Variants in ABCA10 observed in about 807,000 individuals in gnomAD.
ABCA10 encodes ATP-binding cassette sub-family A member 10.
In ABCA10, 169 loss-of-function variants were observed where a neutral mutation model predicts 187.5. The observed-to-expected ratio is 0.90, with a 90% CI of 0.80 to 1.02. The LOEUF (loss-of-function observed/expected upper bound fraction) is 1.02, where lower values mean the gene tolerates loss of function less well. Ranked by LOEUF, ABCA10 falls within the 50% of genes least tolerant of loss-of-function variation. The pLI, the probability that ABCA10 is intolerant of heterozygous loss-of-function variation, is 0.00. For synonymous variants in ABCA10, 574 were observed against 601.8 expected (o/e 0.95, Z 0.68); for missense variants, 1,727 against 1,812.4 (o/e 0.95, Z 0.86).
At chr17:69,174,022 T>C (rs1254709763) in intron 25 of ABCA10, among the ~76,000 whole-genome samples, 4 of 152,096 alleles carry the variant, frequency 2.6e-5, no homozygotes, top group African/African-American at 9.7e-5. Flanking sequence ...ATGCCATGGT[T>C]CCTACATATA....
At chr17:69,220,572 G>C (rs1248192346) in intron 5 of ABCA10, among the ~76,000 whole-genome samples, 1 of 152,096 alleles carries the variant, frequency 6.6e-6, no homozygotes, top group Non-Finnish European at 1.5e-5. Flanking sequence ...GGTGGTTTTA[G>C]CATTCACTGA....
chr17:69,164,038 T>G (rs373456469), intron 27 of ABCA10, 36 bp downstream of exon 27: 2 of 1,471,236 alleles, frequency 1.4e-6, no homozygotes, highest in Non-Finnish European at 1.8e-6. Context: ...ATGAATCTTA[T>G]GCAATATATA....
At chr17:69,236,501 G>T (rs368839386) in intron 1 of ABCA10, among the ~76,000 whole-genome samples, 1 of 152,204 alleles carries the variant, frequency 6.6e-6, no homozygotes, top group African/African-American at 2.4e-5. Context: ...TTTATTACAA[G>T]ATTAGAATCG....
intron 9 of ABCA10, among the ~76,000 whole-genome samples, chr17:69,204,562 CTTA>C (rs2074575783): frequency 6.6e-6 from 1 of 152,176 alleles, no homozygotes; most frequent in Admixed American, 6.5e-5. Context: ...GTGGTATCCT[CTTA>C]TTATACTTCT....
In ABCA10 at chr17:69,185,486, TAAC is replaced by T; in HGVS notation, c.2485_2487del (p.Val829del). The T allele has an allele frequency of 6.2e-7, 1 of 1,612,342 alleles. No individual in the cohort carries two copies. The highest frequency in any genetic ancestry group is 8.5e-7 in the Non-Finnish European group (1 of 1,179,104). ...CAGCCCCATTTCTCACCTGTATTATTAACGATTAACAGGCTGGTAAGAGGCGTC... is the reference window on the plus strand; with the variant it reads ...CAGCCCCATTTCTCACCTGTATTATTGATTAACAGGCTGGTAAGAGGCGTC... On this transcript the variant is annotated inframe_deletion, in exon 20 of 39. Transcript: ENST00000690296.
chr17:69,199,070 C>T (rs889169210), intron 10 of ABCA10, among the ~76,000 whole-genome samples: 1 of 152,136 alleles, frequency 6.6e-6, no homozygotes, highest in African/African-American at 2.4e-5. Flanking sequence ...CTGTGTCTTG[C>T]TCTACTAGGT....
At chr17:69,188,625 G>A (rs2074439045) in intron 18 of ABCA10, among the ~76,000 whole-genome samples, 1 of 151,550 alleles carries the variant, frequency 6.6e-6, no homozygotes, top group Non-Finnish European at 1.5e-5. Context: ...GGGGTTTGGT[G>A]TACAGACAAT....
Position 69,182,563 on chromosome 17 carries a change from T to C in ABCA10, c.2631+112A>G, listed in dbSNP as rs747313205. On this transcript the variant is annotated intron_variant, in intron 21 of 38. Transcript: ENST00000690296. ...AAAGAAAGTTTCAAGCCTCCTCTAA[T>C]ATGATGCCAATTTAGAAAACATACT... 193 of 1,319,420 alleles carry C rather than the reference T, an allele frequency of 1.5e-4. 1 individual carries two copies. The highest frequency in any genetic ancestry group is 3.3e-5 in the Non-Finnish European group (33 of 1,002,262). The allele number at this position is 1,319,420 out of a possible 1,614,324, so 81.7% of individuals were successfully genotyped here. A position where few individuals can be genotyped will look rare whatever the true frequency, so the allele number is the denominator to read the frequency against.
At chr17:69,240,927 C>G (rs1348803730) in intron 1 of ABCA10, among the ~76,000 whole-genome samples, 1 of 152,214 alleles carries the variant, frequency 6.6e-6, no homozygotes, top group Admixed American at 6.5e-5. Context: ...TTCACTACTG[C>G]TAGGGCCTTG....
At chr17:69,178,206 GA>G (rs1402971550) in intron 22 of ABCA10, among the ~76,000 whole-genome samples, 1 of 151,308 alleles carries the variant, frequency 6.6e-6, no homozygotes, top group Non-Finnish European at 1.5e-5. Context: ...AGTCTAGAAG[GA>G]TAATAAGAAA....
intron 10 of ABCA10, among the ~76,000 whole-genome samples, chr17:69,199,047 C>G (rs1354529105): frequency 6.6e-6 from 1 of 152,152 alleles, no homozygotes; most frequent in African/African-American, 2.4e-5. Context: ...CTTGTGTTCC[C>G]TATACATACA....
intron 9 of ABCA10, among the ~76,000 whole-genome samples, chr17:69,210,863 T>TATATATATATATATATGC (rs1568069925): frequency 4.8e-5 from 7 of 146,490 alleles, no homozygotes; most frequent in African/African-American, 1.9e-4. Flanking sequence ...TATATATATA[T>TATATATATATATATATGC]ATGCCATATT....
In ABCA10 at chr17:69,165,587, C is replaced by T. The variant is rs191656960; in HGVS notation, c.3163-504G>A. Reference sequence around the variant, plus strand: ...CCAGAGGTAAATTATATGGTTGTCACTTTAAAGGGCAGCCCATATCCCCAC... The same window carrying T: ...CCAGAGGTAAATTATATGGTTGTCATTTTAAAGGGCAGCCCATATCCCCAC... On this transcript the variant is annotated intron_variant, in intron 25 of 38. Coordinates refer to ENST00000690296, the MANE Select transcript of ABCA10 (RefSeq NM_001377321.1). Among the ~76,000 whole-genome samples the T allele has an allele frequency of 3.7e-3, 565 of 152,256 alleles. 1 individual carries two copies. Among genetic ancestry groups the T allele is most frequent in the Non-Finnish European group, 4.7e-3 (318 of 67,982 alleles).
At chr17:69,182,643 C>CAA (rs753070056) in intron 21 of ABCA10, 32 bp downstream of exon 21, 16 of 1,500,864 alleles carry the variant, frequency 1.1e-5, no homozygotes, top group South Asian at 4.1e-5. Context: ...AAAAAAAAAC[C>CAA]AAAAAAAAAC....
intron 5 of ABCA10, 103 bp downstream of exon 5, chr17:69,221,689 T>G: frequency 1.0e-6 from 1 of 1,003,678 alleles, no homozygotes; most frequent in Non-Finnish European, 1.4e-6. Flanking sequence ...ACAGGCAAAG[T>G]ATCACCTCCT....
At chr17:69,214,657 G>A (rs955228003) in intron 9 of ABCA10, 47 bp downstream of exon 9, 8 of 1,372,788 alleles carry the variant, frequency 5.8e-6, no homozygotes, top group African/African-American at 3.1e-5. Context: ...CATGTTTTAA[G>A]AAACAGAATT....
chr17:69,151,790 C>T (rs190737976), intron 36 of ABCA10, among the ~76,000 whole-genome samples: 4 of 152,278 alleles, frequency 2.6e-5, no homozygotes, highest in South Asian at 4.1e-4. Flanking sequence ...TTCTTAATCT[C>T]CAAGCCATTC....
intron 20 of ABCA10, among the ~76,000 whole-genome samples, chr17:69,184,896 CATAT>C (rs1196801753): frequency 4.2e-5 from 6 of 142,860 alleles, no homozygotes; most frequent in South Asian, 2.2e-4. Context: ...CACACACATA[CATAT>C]ATATAACTTT....
Position 69,193,237 on chromosome 17 carries a change from T to C in ABCA10, c.1653A>G (p.Leu551=), listed in dbSNP as rs778488884. Residue 551 remains leucine (L), a synonymous_variant, in exon 15 of 39, where the codon CTA becomes CTG. Coordinates refer to ENST00000690296, the MANE Select transcript of ABCA10 (RefSeq NM_001377321.1). ...GATCCAATCCAGCAGTTGGTTCATC[T>C]AGCAGCAAAACCTACAGAGGAGGAA... ...AILGDPQVLL[L]DEPTAGLDPF... 15 of 1,613,164 alleles carry C rather than the reference T, an allele frequency of 9.3e-6. No individual in the cohort carries two copies. Among genetic ancestry groups the C allele is most frequent in the Non-Finnish European group, 1.3e-5 (15 of 1,179,812 alleles).
Sources: gnomAD v4.1 joint callset for allele counts (sites outside exome capture counted in the v4.1 genomes callset) on GRCh38, gnomAD v4.1.1 for gene constraint, MANE v1.5 for transcripts, NCBI Gene and HGNC (gene_info 2026-07-23, HGNC 2026-07-21) for gene names.